FHIT: variants seen among roughly 807,000 people sequenced by gnomAD.
The protein encoded by FHIT is bis(5'-adenosyl)-triphosphatase.
FHIT carries 19 observed loss-of-function variants against 17.9 expected under a neutral mutation model. That is an observed-to-expected ratio of 1.06 (90% CI 0.74 to 1.56). The LOEUF is 1.56. Ranked by LOEUF, FHIT falls within the 40% of genes most tolerant of loss-of-function variation. FHIT has a pLI of 0.00. For missense variants in FHIT, 248 were observed against 189.2 expected, an observed-to-expected ratio of 1.31 and a Z score of -1.82; for synonymous variants, 81 against 69.7, an observed-to-expected ratio of 1.16 and a Z score of -0.81.
intron 8 of FHIT, among the ~76,000 whole-genome samples, chr3:59,849,303 G>T (rs1559659918): frequency 6.6e-6 from 1 of 152,126 alleles, no homozygotes; most frequent in Non-Finnish European, 1.5e-5. Context: ...AGCCTGGCAG[G>T]TGGAGGTTGC....
At position 60,537,370 on chromosome 3, in the gene FHIT, C is replaced by G. The variant is rs1017261154; in HGVS notation, c.-17-391G>C. On this transcript the variant is annotated intron_variant, in intron 4 of 9. Transcript: ENST00000492590. Reference sequence around the variant, plus strand: ...GCTGAAAATTTTCATTAAGTATTAACTATAAACCTTCTAATTCTTAAATGC... The same window carrying G: ...GCTGAAAATTTTCATTAAGTATTAAGTATAAACCTTCTAATTCTTAAATGC... 18 of 595,932 alleles carry G rather than the reference C, an allele frequency of 3.0e-5. No homozygotes were observed. The African/African-American group carries it at 3.6e-4, about 12-fold the overall frequency. The allele number at this position is 595,932 out of a possible 1,614,324, so 36.9% of individuals were successfully genotyped here.
intron 8 of FHIT, among the ~76,000 whole-genome samples, chr3:59,799,940 CAA>C (rs1352871261): frequency 1.3e-5 from 2 of 152,132 alleles, no homozygotes; most frequent in African/African-American, 4.8e-5. Context: ...AGAAAGGGAA[CAA>C]AGAGAGACAT....
intron 8 of FHIT, among the ~76,000 whole-genome samples, chr3:59,888,624 A>G (rs1703724789): frequency 6.6e-6 from 1 of 152,204 alleles, no homozygotes; most frequent in African/African-American, 2.4e-5. Context: ...AATGGTCTAT[A>G]TTTATTGATT....
At chr3:60,571,536 C>A in intron 4 of FHIT, among the ~76,000 whole-genome samples, 1 of 151,860 alleles carries the variant, frequency 6.6e-6, no homozygotes, top group East Asian at 1.9e-4. Flanking sequence ...AATTTGCATA[C>A]GCTCTGGGAG....
intron 5 of FHIT, among the ~76,000 whole-genome samples, chr3:60,209,745 T>G (rs1159156543): frequency 6.6e-6 from 1 of 152,126 alleles, no homozygotes; most frequent in East Asian, 1.9e-4. Flanking sequence ...CATGGAATAG[T>G]ACACAGCCAT....
chr3:60,338,744 G>T (rs1710367419), intron 5 of FHIT, among the ~76,000 whole-genome samples: 1 of 152,166 alleles, frequency 6.6e-6, no homozygotes, highest in Non-Finnish European at 1.5e-5. Flanking sequence ...GCACATAATG[G>T]TGGTACTGTG....
chr3:61,201,743 T>A (rs59276877), intron 1 of FHIT, among the ~76,000 whole-genome samples: 43 of 126,466 alleles, frequency 3.4e-4, no homozygotes, highest in African/African-American at 2.3e-3. Flanking sequence ...AATTTCTCCT[T>A]CCCCCTGAGC....
At chr3:59,844,907 C>T (rs2106765159) in intron 8 of FHIT, among the ~76,000 whole-genome samples, 1 of 152,140 alleles carries the variant, frequency 6.6e-6, no homozygotes, top group South Asian at 2.1e-4. Flanking sequence ...TACTATTCAC[C>T]AGCAAAGTCA....
intron 3 of FHIT, among the ~76,000 whole-genome samples, chr3:60,940,020 T>G (rs1433090340): frequency 6.6e-6 from 1 of 152,112 alleles, no homozygotes; most frequent in Non-Finnish European, 1.5e-5. Context: ...AAAGGCTTCA[T>G]TAATTAGATT....
chr3:60,895,131 C>T (rs1473826473), intron 3 of FHIT, among the ~76,000 whole-genome samples: 1 of 152,162 alleles, frequency 6.6e-6, no homozygotes, highest in Non-Finnish European at 1.5e-5. Flanking sequence ...TCTCAGCCTT[C>T]CTTTGCCCAT....
At chr3:60,626,173 C>T (rs1022062144) in intron 4 of FHIT, among the ~76,000 whole-genome samples, 1 of 152,102 alleles carries the variant, frequency 6.6e-6, no homozygotes, top group Non-Finnish European at 1.5e-5. Context: ...CAAGTTCGCA[C>T]TTTTTTTCAA....
intron 4 of FHIT, among the ~76,000 whole-genome samples, chr3:60,780,541 G>C (rs945724459): frequency 1.3e-5 from 2 of 152,092 alleles, no homozygotes; most frequent in Non-Finnish European, 2.9e-5. Context: ...CTAATAACCT[G>C]GTTTGTCTGT....
chr3:60,954,772 T>C (rs1219040253), intron 3 of FHIT, among the ~76,000 whole-genome samples: 3 of 152,124 alleles, frequency 2.0e-5, no homozygotes, highest in Admixed American at 6.5e-5. Context: ...GGGAGGCAGA[T>C]AGATTAGGGA....
chr3:61,206,339 T>C (rs1002236230), intron 1 of FHIT, among the ~76,000 whole-genome samples: 1 of 136,118 alleles, frequency 7.3e-6, no homozygotes, highest in African/African-American at 2.7e-5. Flanking sequence ...AAGTAGTTTT[T>C]TCCAATTCTG....
chr3:61,008,986 C>T (rs1234762194), intron 3 of FHIT, among the ~76,000 whole-genome samples: 1 of 152,180 alleles, frequency 6.6e-6, no homozygotes. Flanking sequence ...ATAGTTCACA[C>T]AGTCTTATTT....
chr3:60,051,287 C>T lies in FHIT; in HGVS notation c.104-37135G>A, dbSNP rs552782589. Among the ~76,000 whole-genome samples, 4 of 149,370 alleles carry T rather than the reference C, an allele frequency of 2.7e-5. 1 individual carries two copies. Among genetic ancestry groups the T allele is most frequent in the Admixed American group, 6.6e-5 (1 of 15,042 alleles). On this transcript the variant is annotated intron_variant, in intron 5 of 9. Transcript: ENST00000492590. The stretch of plus-strand genomic sequence containing the variant: ...CCTAAGGAACTGCAGCCTAACCTAA[C>T]TTAGTCTATTAAACACACCGAAAGC...
intron 7 of FHIT, among the ~76,000 whole-genome samples, chr3:59,926,095 T>C (rs1226500981): frequency 6.6e-6 from 1 of 152,214 alleles, no homozygotes; most frequent in Non-Finnish European, 1.5e-5. Context: ...GAGTATCTTT[T>C]TAAAGTCCCA....
intron 5 of FHIT, among the ~76,000 whole-genome samples, chr3:60,454,534 G>A (rs1331484026): frequency 6.6e-5 from 10 of 151,840 alleles, no homozygotes; most frequent in African/African-American, 2.4e-4. Flanking sequence ...ACAGGCACCT[G>A]CCACCACACC....
chr3:60,769,310 C>A (rs1699961909), intron 4 of FHIT, among the ~76,000 whole-genome samples: 1 of 152,044 alleles, frequency 6.6e-6, no homozygotes, highest in African/African-American at 2.4e-5. Context: ...TTTTCCCATA[C>A]CAAGAATATA....
Sources: gnomAD v4.1 joint callset for allele counts (sites outside exome capture counted in the v4.1 genomes callset) on GRCh38, gnomAD v4.1.1 for gene constraint, MANE v1.5 for transcripts, NCBI Gene and HGNC (gene_info 2026-07-23, HGNC 2026-07-21) for gene names.